Variants in SMARCA1 observed in about 807,000 individuals in gnomAD.
SMARCA1 encodes the protein SNF2 related chromatin remodeling ATPase 1, also known as SWI/SNF-related matrix-associated actin-dependent regulator of chromatin subfamily A member 1.
A neutral mutation model predicts 93.6 loss-of-function variants in SMARCA1; 17 were observed. The ratio of observed to expected loss-of-function variants is 0.18; its 90% CI spans 0.12 to 0.27. The LOEUF is 0.27. Among genes scored for constraint, SMARCA1 ranks in the 10% least tolerant of loss-of-function variants. The pLI is 1.00. For synonymous variants in SMARCA1, 271 were observed against 271.4 expected (o/e 1.00, Z 0.01); for missense variants, 630 against 819.0 (o/e 0.77, Z 2.82).
intron 24 of SMARCA1, 72 bp from the exon 25 acceptor site, chrX:129,447,305 G>C: frequency 2.8e-6 from 3 of 1,055,453 alleles, no homozygotes; most frequent in Non-Finnish European, 3.7e-6. Context: ...GTTAAATCTA[G>C]GATGTAAATG....
chrX:129,449,105 T>C (rs1403545014), intron 23 of SMARCA1, among the ~76,000 whole-genome samples: 1 of 111,726 alleles, frequency 9.0e-6, no homozygotes, highest in African/African-American at 3.3e-5. Context: ...TGGGGAAAAC[T>C]GGGTGAAGGG....
chrX:129,498,626 T>G (rs1193350326), intron 10 of SMARCA1, among the ~76,000 whole-genome samples: 1 of 111,551 alleles, frequency 9.0e-6, no homozygotes, highest in Non-Finnish European at 1.9e-5. Flanking sequence ...ATAACAATTC[T>G]GAGTATTTAC....
In SMARCA1 at chrX:129,493,046, AC is replaced by A; in HGVS notation, c.1655del (p.Gly552ValfsTer6). The A allele has an allele frequency of 2.0e-6, 1 of 489,249 alleles. No individual in the cohort carries two copies. Among genetic ancestry groups the A allele is most frequent in the Non-Finnish European group, 3.7e-6 (1 of 267,611 alleles). 40.3% of individuals were successfully genotyped at this position (489,249 alleles called of 1,213,427 possible). A position where few individuals can be genotyped will look rare whatever the true frequency, so the allele number is the denominator to read the frequency against. On this transcript the variant is annotated frameshift_variant, in exon 13 of 25. Transcript: ENST00000371121. LOFTEE classifies it high-confidence loss of function. ...EDKFLEVEFL[G>X]QREAIEAFNA... ...GCCTTAAAAATGTTCATACCCTTTGACCCAGAAATTCCACTTCTAGGAATTT... is the reference window on the plus strand; with the variant it reads ...GCCTTAAAAATGTTCATACCCTTTGACCAGAAATTCCACTTCTAGGAATTT...
At chrX:129,478,313 G>A (rs1933481752) in intron 19 of SMARCA1, among the ~76,000 whole-genome samples, 2 of 111,627 alleles carry the variant, frequency 1.8e-5, no homozygotes, top group South Asian at 3.7e-4. Context: ...CCCAGTACCT[G>A]GCACAAAGGA....
At chrX:129,455,620 T>C (rs1470180987) in intron 23 of SMARCA1, among the ~76,000 whole-genome samples, 1 of 108,449 alleles carries the variant, frequency 9.2e-6, no homozygotes, top group Non-Finnish European at 1.9e-5. Flanking sequence ...AAAAAAAAAG[T>C]GCTACTCCAC....
intron 10 of SMARCA1, among the ~76,000 whole-genome samples, chrX:129,498,833 T>C (rs186277143): frequency 3.8e-4 from 43 of 111,905 alleles, no homozygotes; most frequent in African/African-American, 1.2e-3. Context: ...TGTATTTATA[T>C]ACGTAACATT....
chrX:129,466,466 C>T (rs754221618), intron 21 of SMARCA1, among the ~76,000 whole-genome samples: 112 of 111,149 alleles, frequency 1.0e-3, no homozygotes, highest in African/African-American at 2.6e-3. Flanking sequence ...ACCAGCCTGG[C>T]CAACATGGTG....
chrX:129,479,921 C>T (rs1933574634), intron 19 of SMARCA1, among the ~76,000 whole-genome samples: 1 of 111,420 alleles, frequency 9.0e-6, no homozygotes, highest in Non-Finnish European at 1.9e-5. Flanking sequence ...TGGTCTCATA[C>T]TCCTGACCTC....
intron 17 of SMARCA1, among the ~76,000 whole-genome samples, chrX:129,482,732 T>C (rs1933736308): frequency 8.9e-6 from 1 of 112,065 alleles, no homozygotes; most frequent in East Asian, 2.8e-4. Context: ...AAAATATAAT[T>C]TAACAGTCAA....
At chrX:129,467,317 T>C (rs1932939258) in intron 21 of SMARCA1, among the ~76,000 whole-genome samples, 1 of 112,037 alleles carries the variant, frequency 8.9e-6, no homozygotes, top group African/African-American at 3.2e-5. Flanking sequence ...GACAGGATCA[T>C]CTTTTTAAAT....
At chrX:129,467,876 T>C (rs1346335177) in intron 21 of SMARCA1, among the ~76,000 whole-genome samples, 1 of 112,143 alleles carries the variant, frequency 8.9e-6, no homozygotes, top group Non-Finnish European at 1.9e-5. Context: ...TTAAACCTAC[T>C]TTGCCATTGT....
intron 19 of SMARCA1, among the ~76,000 whole-genome samples, chrX:129,471,774 C>T (rs1693912366): frequency 9.0e-6 from 1 of 111,598 alleles, no homozygotes; most frequent in South Asian, 3.7e-4. Context: ...TATTGCCTGC[C>T]AAGGTATGTA....
chrX:129,496,958 TGTA>T lies in SMARCA1; in HGVS notation c.1505-90_1505-88del. ...ACAAAATAAACATATGCAACATAAA[TGTA>T]GAGCACATGAACACTCCACTAACGC... On this transcript the variant is annotated intron_variant, in intron 11 of 24. Coordinates refer to ENST00000371121, the MANE Select transcript of SMARCA1 (RefSeq NM_001282874.2). The T allele has an allele frequency of 4.7e-6, 4 of 843,650 alleles. No individual in the cohort carries two copies. The East Asian group carries it at 1.3e-4, about 27-fold the overall frequency. 69.5% of individuals were successfully genotyped at this position (843,650 alleles called of 1,213,427 possible). A position where few individuals can be genotyped will look rare whatever the true frequency, so the allele number is the denominator to read the frequency against.
At chrX:129,504,420 G>A (rs1230399751) in intron 9 of SMARCA1, among the ~76,000 whole-genome samples, 2 of 108,940 alleles carry the variant, frequency 1.8e-5, no homozygotes, top group East Asian at 2.9e-4. Flanking sequence ...GGAGAATACC[G>A]ATACCATCCT....
chrX:129,522,360 C>A (rs1215927360), intron 1 of SMARCA1, among the ~76,000 whole-genome samples: 3 of 109,658 alleles, frequency 2.7e-5, no homozygotes, highest in South Asian at 3.9e-4. Context: ...GCCAGCAGCG[C>A]CCACTAGGAG....
chrX:129,517,332 T>C (rs571058779), intron 2 of SMARCA1, among the ~76,000 whole-genome samples: 42 of 110,915 alleles, frequency 3.8e-4, no homozygotes, highest in African/African-American at 1.3e-3. Flanking sequence ...TCATTCTAGA[T>C]AAAGGAAAAA....
At chrX:129,507,187 A>G (rs1180656504) in intron 7 of SMARCA1, among the ~76,000 whole-genome samples, 1 of 111,505 alleles carries the variant, frequency 9.0e-6, no homozygotes, top group Non-Finnish European at 1.9e-5. Context: ...CAGTGATCCA[A>G]AGAGAGGTTC....
At chrX:129,490,856 T>C (rs1254711009) in intron 14 of SMARCA1, among the ~76,000 whole-genome samples, 1 of 111,644 alleles carries the variant, frequency 9.0e-6, no homozygotes, top group East Asian at 2.8e-4. Flanking sequence ...CACTAGAGCC[T>C]AGTAACAAAG....
intron 6 of SMARCA1, among the ~76,000 whole-genome samples, chrX:129,508,822 G>A (rs1004446718): frequency 1.8e-5 from 2 of 112,420 alleles, no homozygotes; most frequent in Admixed American, 1.9e-4. Flanking sequence ...AATTCCAGAT[G>A]TTATCAGTCA....
Sources: gnomAD v4.1 joint callset for allele counts (sites outside exome capture counted in the v4.1 genomes callset) on GRCh38, gnomAD v4.1.1 for gene constraint, MANE v1.5 for transcripts, NCBI Gene and HGNC (gene_info 2026-07-23, HGNC 2026-07-21) for gene names.